Variants in LDLRAD3 observed in about 807,000 individuals in gnomAD.
LDLRAD3 encodes low density lipoprotein receptor class A domain containing 3, also known as low-density lipoprotein receptor class A domain-containing protein 3.
LDLRAD3 carries 20 observed loss-of-function variants against 29.4 expected under a neutral mutation model. The ratio of observed to expected loss-of-function variants is 0.68; its 90% CI spans 0.48 to 0.99. The LOEUF is 0.99. Ranked by LOEUF, LDLRAD3 falls within the 50% of genes least tolerant of loss-of-function variation. The probability of loss-of-function intolerance (pLI) is 0.00; values close to 1 mark genes in which losing one functional copy is unlikely to be tolerated. For missense variants in LDLRAD3, 420 were observed against 454.3 expected (o/e 0.92, Z 0.69); for synonymous variants, 157 against 192.7 (o/e 0.81, Z 1.53).
intron 1 of LDLRAD3, among the ~76,000 whole-genome samples, chr11:35,971,225 G>T (rs1357363279): frequency 2.6e-5 from 4 of 152,138 alleles, no homozygotes; most frequent in Non-Finnish European, 4.4e-5. Context: ...AGTAGGCAGG[G>T]GTCATGTTTT....
intron 1 of LDLRAD3, among the ~76,000 whole-genome samples, chr11:35,977,270 A>T (rs1225535551): frequency 6.6e-6 from 1 of 152,152 alleles, no homozygotes; most frequent in Admixed American, 6.5e-5. Context: ...ACCAAGAAGG[A>T]TGGGCTCCGT....
At chr11:36,192,966 C>G (rs539186752) in intron 4 of LDLRAD3, among the ~76,000 whole-genome samples, 41 of 152,294 alleles carry the variant, frequency 2.7e-4, no homozygotes, top group African/African-American at 9.1e-4. Context: ...TACTTCACTT[C>G]CCTGATCCTC....
intron 4 of LDLRAD3, among the ~76,000 whole-genome samples, chr11:36,178,063 G>C (rs984934567): frequency 6.6e-6 from 1 of 152,142 alleles, no homozygotes; most frequent in Admixed American, 6.5e-5. Flanking sequence ...GGTGGTTTTT[G>C]GAGCTAAAGT....
chr11:35,988,290 G>A (rs1011754487), intron 1 of LDLRAD3, among the ~76,000 whole-genome samples: 86 of 152,164 alleles, frequency 5.7e-4, no homozygotes, highest in African/African-American at 1.8e-3. Context: ...GAACTCCTGG[G>A]CTCAAGTGAT....
intron 1 of LDLRAD3, among the ~76,000 whole-genome samples, chr11:35,946,617 G>T (rs141744154): frequency 6.6e-6 from 1 of 152,156 alleles, no homozygotes; most frequent in African/African-American, 2.4e-5. Context: ...GTTTAAGTGC[G>T]TATGGCTTGA....
chr11:36,045,413 C>T (rs189122989), intron 2 of LDLRAD3, among the ~76,000 whole-genome samples: 1 of 152,316 alleles, frequency 6.6e-6, no homozygotes, highest in East Asian at 1.9e-4. Context: ...GATATTTATT[C>T]TTTCACAGTT....
intron 2 of LDLRAD3, among the ~76,000 whole-genome samples, chr11:36,076,689 C>T (rs549141490): frequency 6.6e-6 from 1 of 152,264 alleles, no homozygotes; most frequent in East Asian, 1.9e-4. Flanking sequence ...CCTGGCCTAG[C>T]CTTCCCACTT....
In LDLRAD3 at chr11:36,227,093, A is replaced by G; in HGVS notation, c.463A>G (p.Ser155Gly). The G allele has an allele frequency of 6.3e-7, 1 of 1,587,778 alleles. No homozygotes were observed. Among genetic ancestry groups the G allele is most frequent in the Non-Finnish European group, 8.6e-7 (1 of 1,161,766 alleles). ...ESCESSQEPG[S>G]GQVFVTSENQ... Reference sequence around the variant, plus strand: ...TCTCTTGGGTTTCTCAGAACCCGGCAGTGGGCAGGTGTTTGTGACTTCAGA... The same window carrying G: ...TCTCTTGGGTTTCTCAGAACCCGGCGGTGGGCAGGTGTTTGTGACTTCAGA... Residue 155 changes from serine to glycine, a missense_variant, in exon 5 of 6, where the codon AGT (serine) becomes GGT (glycine). This residue lies in a region of LDLRAD3 where 224 missense variants were observed against 222.2 expected (regional missense o/e 1.01). Transcript: ENST00000315571.
At chr11:36,156,707 A>G (rs1565265746) in intron 4 of LDLRAD3, among the ~76,000 whole-genome samples, 1 of 152,120 alleles carries the variant, frequency 6.6e-6, no homozygotes, top group African/African-American at 2.4e-5. Flanking sequence ...CATGGCACCC[A>G]CCCAGCTGGC....
At chr11:36,225,482 T>A (rs1347307933) in intron 4 of LDLRAD3, among the ~76,000 whole-genome samples, 1 of 152,132 alleles carries the variant, frequency 6.6e-6, no homozygotes, top group African/African-American at 2.4e-5. Context: ...AAGGCTATTA[T>A]GATAGCAACC....
Position 35,944,081 on chromosome 11 carries a change from G to C in LDLRAD3, c.-18G>C, listed in dbSNP as rs1338095386. 1.0e-5 allele frequency: 11 copies of C among 1,076,526 alleles called. No individual in the cohort carries two copies. Among genetic ancestry groups the C allele is most frequent in the Non-Finnish European group, 1.2e-5 (11 of 889,352 alleles). 66.7% of individuals were successfully genotyped at this position (1,076,526 alleles called of 1,614,324 possible). ...GGGGGCAGCAACGACGCCGGGCAGCGGGAGCGGCGGCCGCGCCATGTGGCT... is the reference window on the plus strand; with the variant it reads ...GGGGGCAGCAACGACGCCGGGCAGCCGGAGCGGCGGCCGCGCCATGTGGCT... On this transcript the variant is annotated 5_prime_UTR_variant, in exon 1 of 6. Coordinates refer to ENST00000315571, the MANE Select transcript of LDLRAD3 (RefSeq NM_174902.4). This position sits in a 1 kb window ranked among gnomAD's most constrained non-coding sequence, Gnocchi z 4.9.
At chr11:36,043,344 T>C (rs948070842) in intron 2 of LDLRAD3, among the ~76,000 whole-genome samples, 2 of 152,174 alleles carry the variant, frequency 1.3e-5, no homozygotes, top group Non-Finnish European at 2.9e-5. Flanking sequence ...ATATAGTGAA[T>C]GATAGCTTCC....
intron 1 of LDLRAD3, among the ~76,000 whole-genome samples, chr11:35,955,553 C>G (rs946852564): frequency 8.5e-5 from 13 of 152,080 alleles, no homozygotes; most frequent in African/African-American, 2.4e-4. Flanking sequence ...AAATAAAATC[C>G]ATTATGTAAG....
chr11:36,199,644 G>A (rs1228411922), intron 4 of LDLRAD3, among the ~76,000 whole-genome samples: 5 of 152,198 alleles, frequency 3.3e-5, no homozygotes, highest in Middle Eastern at 3.4e-3. Flanking sequence ...ATTGACAGCC[G>A]CTGCTTAGCA....
intron 3 of LDLRAD3, among the ~76,000 whole-genome samples, chr11:36,096,164 T>C (rs973362668): frequency 6.6e-6 from 1 of 152,186 alleles, no homozygotes; most frequent in African/African-American, 2.4e-5. Flanking sequence ...TCCCCACCTC[T>C]CTGACCTTTC....
At chr11:36,094,495 C>T (rs537667728) in intron 3 of LDLRAD3, among the ~76,000 whole-genome samples, 27 of 152,330 alleles carry the variant, frequency 1.8e-4, no homozygotes, top group African/African-American at 5.5e-4. Flanking sequence ...AACAGTATAA[C>T]ACATGGTATC....
In LDLRAD3 at chr11:36,037,504, G is replaced by T. The variant is rs187258274; in HGVS notation, c.193+1255G>T. On this transcript the variant is annotated intron_variant, in intron 2 of 5. Transcript: ENST00000315571. The stretch of plus-strand genomic sequence containing the variant: ...TAATTTTTGTATTTTTATTAGAGAC[G>T]GGGTTTTACCATGTTGGCCAGGCTG... 6.6e-5 allele frequency among the ~76,000 whole-genome samples: 10 copies of T among 152,182 alleles called. No homozygotes were observed. The East Asian group carries it at 1.5e-3, about 24-fold the overall frequency.
intron 4 of LDLRAD3, among the ~76,000 whole-genome samples, chr11:36,211,237 C>T (rs1472598515): frequency 6.9e-6 from 1 of 145,902 alleles, no homozygotes; most frequent in Admixed American, 7.0e-5. Flanking sequence ...AAAACTTTAT[C>T]TATGAAAGCA....
intron 1 of LDLRAD3, among the ~76,000 whole-genome samples, chr11:35,993,568 C>T (rs1851715381): frequency 6.7e-6 from 1 of 149,938 alleles, no homozygotes; most frequent in Non-Finnish European, 1.5e-5. Flanking sequence ...ACATACAAGT[C>T]ATTAGGGAGA....
Sources: gnomAD v4.1 joint callset for allele counts (sites outside exome capture counted in the v4.1 genomes callset) on GRCh38, gnomAD v4.1.1 for gene constraint, gnomAD v4.1.1 regional missense constraint, Gnocchi (gnomAD v3.1) non-coding constraint, MANE v1.5 for transcripts, NCBI Gene and HGNC (gene_info 2026-07-23, HGNC 2026-07-21) for gene names.